Variants in MARCHF4 observed in about 807,000 individuals in gnomAD.
MARCHF4 encodes membrane associated ring-CH-type finger 4, also known as E3 ubiquitin-protein ligase MARCHF4.
Under a neutral mutation model 43.9 loss-of-function variants are expected in MARCHF4, and 14 were observed. That is an observed-to-expected ratio of 0.32 (90% CI 0.21 to 0.50). The LOEUF is 0.50. MARCHF4 is among the 20% of genes least tolerant of loss of function. The pLI is 0.98. For synonymous variants in MARCHF4, 226 were observed against 213.3 expected (o/e 1.06, Z -0.52); for missense variants, 468 against 536.7 (o/e 0.87, Z 1.27).
chr2:216,352,506 G>A (rs991883947), intron 1 of MARCHF4, among the ~76,000 whole-genome samples: 3 of 152,250 alleles, frequency 2.0e-5, no homozygotes, highest in Admixed American at 1.3e-4. Flanking sequence ...TCCTCTCTCT[G>A]AGCTTTTGCT....
intron 1 of MARCHF4, among the ~76,000 whole-genome samples, chr2:216,334,972 T>C (rs1692136883): frequency 6.6e-6 from 1 of 152,212 alleles, no homozygotes; most frequent in South Asian, 2.1e-4. Context: ...CCTTCAGAAC[T>C]ACTCCCACTG....
chr2:216,350,793 A>C (rs979211700), intron 1 of MARCHF4, among the ~76,000 whole-genome samples: 1 of 152,176 alleles, frequency 6.6e-6, no homozygotes, highest in African/African-American at 2.4e-5. Context: ...TCATTTGCTC[A>C]CACACTTATC....
At chr2:216,276,114 G>T (rs1244544235) in intron 3 of MARCHF4, among the ~76,000 whole-genome samples, 1 of 152,202 alleles carries the variant, frequency 6.6e-6, no homozygotes, top group Admixed American at 6.5e-5. Context: ...CTGACTAGCT[G>T]ACTAATACAT....
intron 3 of MARCHF4, among the ~76,000 whole-genome samples, chr2:216,271,997 G>A (rs2105935153): frequency 7.0e-6 from 1 of 142,642 alleles, no homozygotes; most frequent in Non-Finnish European, 1.5e-5. Context: ...ATCTCTGGTA[G>A]GCCAGACATG....
chr2:216,309,405 A>G (rs1458900902), intron 1 of MARCHF4, among the ~76,000 whole-genome samples: 1 of 152,206 alleles, frequency 6.6e-6, no homozygotes, highest in East Asian at 1.9e-4. Context: ...CGATCTCCCT[A>G]TAGTGGACAT....
In MARCHF4 at chr2:216,320,607, T is replaced by TTTTTTCTTTC. The variant is rs1553518097; in HGVS notation, c.517-36879_517-36878insGAAAGAAAAA. On this transcript the variant is annotated intron_variant, in intron 1 of 3. Coordinates refer to ENST00000273067, the MANE Select transcript of MARCHF4 (RefSeq NM_020814.3). The stretch of plus-strand genomic sequence containing the variant: ...ATAAGGTTGTAGAGCTATAGCCTCT[T>TTTTTTCTTTC]TTTCTTTCTTTCTTTCTTTCTTTCT... Among the ~76,000 whole-genome samples the TTTTTTCTTTC allele has an allele frequency of 3.3e-3, 370 of 112,170 alleles. 7 individuals are homozygous for TTTTTTCTTTC. Among genetic ancestry groups the TTTTTTCTTTC allele is most frequent in the Middle Eastern group, 0.015 (3 of 200 alleles). 73.6% of individuals were successfully genotyped at this position (112,170 alleles called of 152,430 possible). A position where few individuals can be genotyped will look rare whatever the true frequency, so the allele number is the denominator to read the frequency against.
intron 1 of MARCHF4, among the ~76,000 whole-genome samples, chr2:216,300,194 T>G (rs75809536): frequency 0.059 from 8,940 of 151,968 alleles, 856 homozygotes; most frequent in African/African-American, 0.21. Context: ...AGAATTTTTT[T>G]GGGATTCTTT....
rs188165453 is a variant in MARCHF4 at position 216,347,716 on chromosome 2, G to A, written c.516+22029C>T. Among the ~76,000 whole-genome samples, 7 of 150,544 alleles carry A rather than the reference G, an allele frequency of 4.6e-5. No homozygotes were observed. The East Asian group carries it at 7.8e-4, about 17-fold the overall frequency. ...CACTCCAGCCTGGGCAACAGAGCAAGACTCCGTCTCAAAAAAAAAGGGGAA... is the reference window on the plus strand; with the variant it reads ...CACTCCAGCCTGGGCAACAGAGCAAAACTCCGTCTCAAAAAAAAAGGGGAA... On this transcript the variant is annotated intron_variant, in intron 1 of 3. Coordinates refer to ENST00000273067, the MANE Select transcript of MARCHF4 (RefSeq NM_020814.3).
intron 1 of MARCHF4, among the ~76,000 whole-genome samples, chr2:216,342,551 G>A (rs1394068702): frequency 6.6e-6 from 1 of 152,170 alleles, no homozygotes; most frequent in Non-Finnish European, 1.5e-5. Context: ...GGCCTAGGAT[G>A]CCTGCAGGAA....
chr2:216,337,883 A>C (rs1373973877), intron 1 of MARCHF4, among the ~76,000 whole-genome samples: 1 of 152,220 alleles, frequency 6.6e-6, no homozygotes, highest in East Asian at 1.9e-4. Context: ...CTCAAGGAGC[A>C]AAGGACACCA....
chr2:216,260,745 G>T (rs1169809491), intron 3 of MARCHF4, among the ~76,000 whole-genome samples: 1 of 152,172 alleles, frequency 6.6e-6, no homozygotes, highest in Non-Finnish European at 1.5e-5. Flanking sequence ...AGCTATTGAC[G>T]GTTTCAGTAG....
chr2:216,365,390 A>G (rs779673603), intron 1 of MARCHF4, among the ~76,000 whole-genome samples: 2 of 152,216 alleles, frequency 1.3e-5, no homozygotes, highest in Non-Finnish European at 2.9e-5. Flanking sequence ...CTCCCACCCT[A>G]GCTTCTGACT....
In MARCHF4 at chr2:216,283,783, T is replaced by A; in HGVS notation, c.517-54A>T. ...GCTGAGACCTACAGTGGCTGGTGGG[T>A]GAGTGATGGGCGGGAGGGTGGCAGC... On this transcript the variant is annotated intron_variant, in intron 1 of 3. Coordinates refer to ENST00000273067, the MANE Select transcript of MARCHF4 (RefSeq NM_020814.3). 12 of 1,510,688 alleles carry A rather than the reference T, an allele frequency of 7.9e-6. No individual in the cohort carries two copies. In the South Asian group the frequency reaches 1.4e-4, roughly 17 times the overall value. The allele number at this position is 1,510,688 out of a possible 1,614,324, so 93.6% of individuals were successfully genotyped here.
intron 1 of MARCHF4, among the ~76,000 whole-genome samples, chr2:216,305,328 G>A (rs538165082): frequency 2.6e-5 from 4 of 152,276 alleles, no homozygotes; most frequent in Admixed American, 1.3e-4. Context: ...TATAGTTCAA[G>A]GTTCAAGTGT....
At chr2:216,366,531 C>G (rs1692667985) in intron 1 of MARCHF4, among the ~76,000 whole-genome samples, 1 of 152,144 alleles carries the variant, frequency 6.6e-6, no homozygotes, top group African/African-American at 2.4e-5. Flanking sequence ...TTCTTCTCTT[C>G]TGTTTTTCCA....
At chr2:216,367,783 G>A (rs1274950276) in intron 1 of MARCHF4, among the ~76,000 whole-genome samples, 2 of 152,114 alleles carry the variant, frequency 1.3e-5, no homozygotes, top group African/African-American at 4.8e-5. Context: ...TATCACATGA[G>A]GGTATTTCAC....
At chr2:216,309,774 G>A (rs914549665) in intron 1 of MARCHF4, among the ~76,000 whole-genome samples, 1 of 152,190 alleles carries the variant, frequency 6.6e-6, no homozygotes, top group East Asian at 1.9e-4. Flanking sequence ...GGCCTCAGCT[G>A]TAACCACATG....
At chr2:216,289,148 C>T (rs1158030938) in intron 1 of MARCHF4, among the ~76,000 whole-genome samples, 4 of 151,310 alleles carry the variant, frequency 2.6e-5, no homozygotes, top group Middle Eastern at 3.2e-3. Context: ...ACGATCTCAG[C>T]TCACTGCAAG....
At position 216,370,052 on chromosome 2, in the gene MARCHF4, G is replaced by T; in HGVS notation, c.209C>A (p.Pro70His). The stretch of plus-strand genomic sequence containing the variant: ...GGTGTTGTTGGCCGCCAAACCGGGG[G>T]GCTGGGGGTCGCCGTGCATGGGCAG... ...APLPMHGDPQPPGLAANNTLP... is the reference protein window; with the variant it reads ...APLPMHGDPQHPGLAANNTLP... The change falls in exon 1 of 4, where the codon CCC (proline) becomes CAC (histidine). Residue 70 changes from proline (P) to histidine (H), a missense_variant. This residue lies in a region of MARCHF4 where 190 missense variants were observed against 158.5 expected (regional missense o/e 1.20). Transcript: ENST00000273067. 1 of 1,557,916 alleles carries T rather than the reference G, an allele frequency of 6.4e-7. No homozygotes were observed. The highest frequency in any genetic ancestry group is 8.7e-7 in the Non-Finnish European group (1 of 1,150,146).
Sources: allele counts gnomAD v4.1 joint callset (sites outside exome capture counted in the v4.1 genomes callset), GRCh38; gene constraint gnomAD v4.1.1; regional missense constraint gnomAD v4.1.1; transcripts MANE v1.5; gene names NCBI Gene and HGNC (gene_info 2026-07-23, HGNC 2026-07-21).